The following SETD3 variants were observed in gnomAD, a reference collection of about 807,000 sequenced individuals.
SETD3 encodes the protein actin-histidine N-methyltransferase.
In SETD3, 19 loss-of-function variants were observed where a neutral mutation model predicts 63.0. The observed-to-expected ratio is 0.30, with a 90% CI of 0.21 to 0.44. SETD3 has a LOEUF of 0.44. SETD3 is among the 20% of genes least tolerant of loss of function. The pLI is 1.00. For missense variants in SETD3, 587 were observed against 728.5 expected, an observed-to-expected ratio of 0.81 and a Z score of 2.24; for synonymous variants, 286 against 264.1, an observed-to-expected ratio of 1.08 and a Z score of -0.80.
At chr14:99,411,044 T>C (rs1891960299) in intron 8 of SETD3, among the ~76,000 whole-genome samples, 1 of 152,238 alleles carries the variant, frequency 6.6e-6, no homozygotes, top group Non-Finnish European at 1.5e-5. Flanking sequence ...AACAACTTTG[T>C]AGTGTTAAAA....
chr14:99,414,047 T>C, intron 6 of SETD3, 113 bp from the exon 7 acceptor site: 2 of 994,084 alleles, frequency 2.0e-6, no homozygotes, highest in East Asian at 2.4e-5. Flanking sequence ...AAGAGCCAAA[T>C]GAAGCAGGCG....
At chr14:99,474,517 G>C (rs917672101) in intron 1 of SETD3, among the ~76,000 whole-genome samples, 2 of 152,170 alleles carry the variant, frequency 1.3e-5, no homozygotes, top group East Asian at 3.9e-4. Flanking sequence ...ATTTAATCTT[G>C]ATACAGAACA....
At chr14:99,413,100 C>T in intron 7 of SETD3, 35 bp from the exon 8 acceptor site, 2 of 1,287,800 alleles carry the variant, frequency 1.6e-6, no homozygotes, top group East Asian at 2.3e-5. Context: ...AAGGTTGGAA[C>T]ATTTAAAAGC....
intron 11 of SETD3, among the ~76,000 whole-genome samples, chr14:99,401,747 G>GA (rs991007890): frequency 6.6e-6 from 1 of 152,156 alleles, no homozygotes; most frequent in Non-Finnish European, 1.5e-5. Flanking sequence ...CTTAGTGGCT[G>GA]AAAGTTCTTT....
At chr14:99,449,812 G>A (rs1201063228) in intron 6 of SETD3, among the ~76,000 whole-genome samples, 2 of 152,228 alleles carry the variant, frequency 1.3e-5, no homozygotes, top group Non-Finnish European at 2.9e-5. Flanking sequence ...TTTAAGTGAA[G>A]CTAGGTGAAG....
intron 8 of SETD3, among the ~76,000 whole-genome samples, chr14:99,408,378 C>T (rs1484418366): frequency 6.6e-6 from 1 of 152,106 alleles, no homozygotes; most frequent in Admixed American, 6.5e-5. Context: ...GAAGTTCCTG[C>T]CCAACATCGG....
At chr14:99,469,381 T>C (rs909227870) in intron 1 of SETD3, among the ~76,000 whole-genome samples, 10 of 152,196 alleles carry the variant, frequency 6.6e-5, no homozygotes, top group African/African-American at 1.4e-4. Context: ...TCGTGATTCA[T>C]TTCCCTGCCT....
chr14:99,443,663 T>C (rs1433837819), intron 6 of SETD3, among the ~76,000 whole-genome samples: 1 of 152,214 alleles, frequency 6.6e-6, no homozygotes, highest in African/African-American at 2.4e-5. Context: ...TGTAAACCTG[T>C]AATTCCAAGC....
intron 11 of SETD3, among the ~76,000 whole-genome samples, chr14:99,403,455 A>ACACTCTCTCTCT (rs1416541957): frequency 3.7e-5 from 5 of 135,454 alleles, no homozygotes; most frequent in African/African-American, 1.5e-4. Context: ...ACACACACAC[A>ACACTCTCTCTCT]CTCTCTCTCT....
At chr14:99,411,492 G>C (rs1891988673) in intron 8 of SETD3, 1 of 152,218 alleles carries the variant, frequency 6.6e-6, no homozygotes, top group Non-Finnish European at 1.5e-5. Flanking sequence ...GCTGGGGGTA[G>C]GGCACTGCTC....
At chr14:99,442,121 C>T (rs545314090) in intron 6 of SETD3, among the ~76,000 whole-genome samples, 2 of 152,262 alleles carry the variant, frequency 1.3e-5, no homozygotes, top group South Asian at 2.1e-4. Flanking sequence ...ACACCGGCTC[C>T]GCATCAGATC....
At chr14:99,484,364 C>T (rs1252376680), upstream of SETD3, among the ~76,000 whole-genome samples, 1 of 152,246 alleles carries the variant, frequency 6.6e-6, no homozygotes, top group Non-Finnish European at 1.5e-5. Flanking sequence ...CCACCCCCCT[C>T]CCATGTGCTA....
At chr14:99,432,056 C>T (rs1283939004) in intron 6 of SETD3, among the ~76,000 whole-genome samples, 1 of 152,164 alleles carries the variant, frequency 6.6e-6, no homozygotes, top group Non-Finnish European at 1.5e-5. Flanking sequence ...AGTACTGCTT[C>T]CCCTCCTCTG....
chr14:99,474,523 G>C (rs1243894669), intron 1 of SETD3, among the ~76,000 whole-genome samples: 3 of 152,294 alleles, frequency 2.0e-5, no homozygotes, highest in East Asian at 3.9e-4. Flanking sequence ...TCTTGATACA[G>C]AACAATTTGG....
At chr14:99,433,875 C>G (rs1893320496) in intron 6 of SETD3, among the ~76,000 whole-genome samples, 1 of 152,206 alleles carries the variant, frequency 6.6e-6, no homozygotes, top group South Asian at 2.1e-4. Context: ...ATAAATAATA[C>G]TACATGTCCA....
chr14:99,401,066 G>T (rs1891363044), intron 11 of SETD3, among the ~76,000 whole-genome samples: 1 of 151,868 alleles, frequency 6.6e-6, no homozygotes, highest in South Asian at 2.1e-4. Flanking sequence ...TTGAACCCAG[G>T]AGGTGGAGAC....
At position 99,424,301 on chromosome 14, in the gene SETD3, G is replaced by A. The variant is rs79160808; in HGVS notation, c.676-10367C>T. 5.2e-3 allele frequency among the ~76,000 whole-genome samples: 799 copies of A among 152,304 alleles called. 4 individuals are homozygous for A. Among genetic ancestry groups the A allele is most frequent in the Non-Finnish European group, 8.5e-3 (575 of 68,032 alleles). On this transcript the variant is annotated intron_variant, in intron 6 of 12. Transcript: ENST00000331768. The stretch of plus-strand genomic sequence containing the variant: ...CTCTTACATTCGGGGGACAGGAATG[G>A]TAGGGTCAGAAAAGCCTGGAGATTC...
intron 6 of SETD3, among the ~76,000 whole-genome samples, chr14:99,427,496 AT>A (rs1219137225): frequency 1.3e-5 from 2 of 152,344 alleles, no homozygotes; most frequent in East Asian, 3.9e-4. Context: ...TTCAAGAAAG[AT>A]TTTGCTTAAT....
intron 6 of SETD3, among the ~76,000 whole-genome samples, chr14:99,445,137 C>T (rs1302637936): frequency 1.3e-5 from 2 of 152,238 alleles, no homozygotes; most frequent in African/African-American, 4.8e-5. Flanking sequence ...CAAATGAATA[C>T]TGGCAGCCAA....
Sources: allele counts gnomAD v4.1 joint callset (sites outside exome capture counted in the v4.1 genomes callset), GRCh38; gene constraint gnomAD v4.1.1; transcripts MANE v1.5; gene names NCBI Gene and HGNC (gene_info 2026-07-23, HGNC 2026-07-21).